Variants in CEACAM8 observed in about 807,000 individuals in gnomAD.
CEACAM8 encodes CEA cell adhesion molecule 8.
A neutral mutation model predicts 33.4 loss-of-function variants in CEACAM8; 31 were observed. The observed-to-expected ratio is 0.93, with a 90% CI of 0.70 to 1.25. The LOEUF (loss-of-function observed/expected upper bound fraction) is 1.25, where lower values mean the gene tolerates loss of function less well. Among genes scored for constraint, CEACAM8 ranks in the 50% most tolerant of loss-of-function variants. The pLI, the probability that CEACAM8 is intolerant of heterozygous loss-of-function variation, is 0.00. For synonymous variants in CEACAM8, 138 were observed against 164.5 expected, an observed-to-expected ratio of 0.84 and a Z score of 1.23; for missense variants, 388 against 434.6, an observed-to-expected ratio of 0.89 and a Z score of 0.95.
At chr19:42,582,456 G>A (rs532105844) in intron 5 of CEACAM8, among the ~76,000 whole-genome samples, 3 of 152,238 alleles carry the variant, frequency 2.0e-5, no homozygotes, top group Admixed American at 6.5e-5. Flanking sequence ...TGGTCATCAG[G>A]AAAAGGTTCT....
chr19:42,593,858 A>T lies in CEACAM8; in HGVS notation c.107T>A (p.Leu36His), dbSNP rs2042494260. 1 of 1,610,952 alleles carries T rather than the reference A, an allele frequency of 6.2e-7. No homozygotes were observed. Among genetic ancestry groups the T allele is most frequent in the Non-Finnish European group, 8.5e-7 (1 of 1,177,942 alleles). Residue 36 changes from leucine (L) to histidine (H), a missense_variant, in exon 2 of 6, where the codon CTC becomes CAC. Transcript: ENST00000244336. ...TFWNPPTTAQLTIEAVPSNAA... is the reference protein window; with the variant it reads ...TFWNPPTTAQHTIEAVPSNAA... ...ATTGGATGGCACAGCTTCAATAGTGAGCTGAGCAGTGGTGGGCGGGTTCCA... is the reference window on the plus strand; with the variant it reads ...ATTGGATGGCACAGCTTCAATAGTGTGCTGAGCAGTGGTGGGCGGGTTCCA...
At position 42,593,636 on chromosome 19, in the gene CEACAM8, C is replaced by T. The variant is rs45440298; in HGVS notation, c.329G>A (p.Arg110Gln). 725 of 1,613,698 alleles carry T rather than the reference C, an allele frequency of 4.5e-4. 1 individual carries two copies. In the African/African-American group the frequency reaches 5.6e-3, roughly 12 times the overall value. Reference sequence around the variant, plus strand: ...TCCTGTGTCATTTCTGGTGACGTTCCGCATCAGCAGGGATGCATTGGGGTA... The same window carrying T: ...TCCTGTGTCATTTCTGGTGACGTTCTGCATCAGCAGGGATGCATTGGGGTA... ...TIYPNASLLM[R>Q]NVTRNDTGSY... The change falls in exon 2 of 6, where the codon CGG becomes CAG. Residue 110 changes from arginine (R) to glutamine (Q), a missense_variant. Transcript: ENST00000244336.
At chr19:42,588,725 T>C in intron 4 of CEACAM8, 59 bp downstream of exon 4, 1 of 1,591,992 alleles carries the variant, frequency 6.3e-7, no homozygotes, top group Non-Finnish European at 8.6e-7. Flanking sequence ...GGCTCATCTC[T>C]GAAAGCCAGA....
chr19:42,588,650 T>G, intron 4 of CEACAM8, 134 bp downstream of exon 4: 1 of 968,924 alleles, frequency 1.0e-6, no homozygotes, highest in Non-Finnish European at 1.6e-6. Flanking sequence ...CTGGGAGGGT[T>G]TAGGAGAAAA....
chr19:42,588,742 C>T (rs889134860), intron 4 of CEACAM8, 42 bp downstream of exon 4: 2 of 1,608,748 alleles, frequency 1.2e-6, no homozygotes, highest in South Asian at 1.1e-5. Context: ...CAGATAGACT[C>T]TACCAGAAAA....
At position 42,594,211 on chromosome 19, in the gene CEACAM8, CCT is replaced by C. The variant is rs375708282; in HGVS notation, c.65-313_65-312del. 9.2e-3 allele frequency among the ~76,000 whole-genome samples: 1,399 copies of C among 152,310 alleles called. 12 individuals are homozygous for C. The highest frequency in any genetic ancestry group is 0.016 in the Non-Finnish European group (1,057 of 68,018). ...GAGACACTGGGTCTTCCCTTTCTGA[CCT>C]TTCCCTGCTGTGTTCCTTCCAGGGC... On this transcript the variant is annotated intron_variant, in intron 1 of 5. Transcript: ENST00000244336.
At chr19:42,592,245 G>T (rs2031854360) in intron 2 of CEACAM8, among the ~76,000 whole-genome samples, 1 of 152,094 alleles carries the variant, frequency 6.6e-6, no homozygotes, top group Non-Finnish European at 1.5e-5. Context: ...TCGTGTTTGT[G>T]TGACCCTGGT....
chr19:42,589,313 G>A, intron 3 of CEACAM8, 144 bp downstream of exon 3: 1 of 1,328,754 alleles, frequency 7.5e-7, no homozygotes. Context: ...TGTTTGCCTG[G>A]GGCAGAAAGT....
chr19:42,583,461 G>A, intron 4 of CEACAM8, 124 bp from the exon 5 acceptor site: 1 of 685,734 alleles, frequency 1.5e-6, no homozygotes, highest in Admixed American at 3.0e-5. Context: ...CATTATTTTT[G>A]TGGGAAGGTT....
chr19:42,592,295 T>C (rs1403895101), intron 2 of CEACAM8, among the ~76,000 whole-genome samples: 1 of 151,008 alleles, frequency 6.6e-6, no homozygotes, highest in Non-Finnish European at 1.5e-5. Context: ...TTCTTCTCAA[T>C]AATAAGCTTC....
At chr19:42,594,690 C>A (rs1179268204) in intron 1 of CEACAM8, 75 bp downstream of exon 1, 1 of 1,215,514 alleles carries the variant, frequency 8.2e-7, no homozygotes, top group East Asian at 2.4e-5. Flanking sequence ...TCTCAGAGCC[C>A]CGTCCTCCCC....
intron 4 of CEACAM8, among the ~76,000 whole-genome samples, chr19:42,584,213 C>G (rs2042298624): frequency 6.6e-6 from 1 of 151,934 alleles, no homozygotes; most frequent in Non-Finnish European, 1.5e-5. Context: ...TACACACACA[C>G]ACACACACAC....
chr19:42,588,632 G>T, intron 4 of CEACAM8, 152 bp downstream of exon 4: 2 of 833,648 alleles, frequency 2.4e-6, no homozygotes, highest in Non-Finnish European at 1.9e-6. Context: ...AGAGTCTATA[G>T]AGATAAACTG....
At chr19:42,593,336 G>GT (rs2042480768) in intron 2 of CEACAM8, among the ~76,000 whole-genome samples, 3 of 152,196 alleles carry the variant, frequency 2.0e-5, no homozygotes, top group Non-Finnish European at 4.4e-5. Context: ...TTCCTCTGCC[G>GT]TGAGTGTCTG....
chr19:42,589,243 G>A (rs1285951973), intron 3 of CEACAM8, among the ~76,000 whole-genome samples: 1 of 152,186 alleles, frequency 6.6e-6, no homozygotes, highest in Admixed American at 6.5e-5. Flanking sequence ...TGGACTCCAA[G>A]TCTCCCATGA....
At position 42,594,770 on chromosome 19, in the gene CEACAM8, A is replaced by G; in HGVS notation, c.59T>C (p.Leu20Pro). 6.2e-7 allele frequency: 1 copy of G among 1,609,900 alleles called. No homozygotes were observed. Among genetic ancestry groups the G allele is most frequent in the Non-Finnish European group, 8.5e-7 (1 of 1,177,378 alleles). The change falls in exon 1 of 6, where the codon CTC becomes CCC. Residue 20 changes from leucine (L) to proline (P), a missense_variant. Transcript: ENST00000244336. ...CCAGGAAGTCCTCTCCTCACCTGTG[A>G]GCAGGAGCCCCTGCCAGGGGATGCG... ...RWRIPWQGLL[L>P]TASLFTFWNP...
In CEACAM8 at chr19:42,589,542, T is replaced by C; in HGVS notation, c.618A>G (p.Thr206=). The change falls in exon 3 of 6, where the codon ACA becomes ACG. Residue 206 remains threonine (T), a synonymous_variant. Transcript: ENST00000244336. The part of the protein sequence containing the change: ...GNRTLTLLSV[T]RNDVGPYECE... ...ATTCATAGGGTCCTACGTCATTCCT[T>C]GTGACACTGAGTAGAGTGAGGGTCC... 3 of 1,614,190 alleles carry C rather than the reference T, an allele frequency of 1.9e-6. No individual in the cohort carries two copies. The highest frequency in any genetic ancestry group is 2.5e-6 in the Non-Finnish European group (3 of 1,180,030).
At chr19:42,586,334 G>A (rs1235223922) in intron 4 of CEACAM8, among the ~76,000 whole-genome samples, 1 of 152,144 alleles carries the variant, frequency 6.6e-6, no homozygotes, top group African/African-American at 2.4e-5. Flanking sequence ...CCTGATTTCA[G>A]CATTTACTAC....
chr19:42,593,794 A>G lies in CEACAM8; in HGVS notation c.171T>C (p.Asn57=), dbSNP rs765861260. The G allele has an allele frequency of 5.6e-6, 9 of 1,613,874 alleles. No individual in the cohort carries two copies. Among genetic ancestry groups the G allele is most frequent in the Non-Finnish European group, 6.8e-6 (8 of 1,179,980 alleles). ...TGTAGCCACGAGGGTCCTGGGGCAG[A>G]TTGTGGACAAGTAGAAGAACCTCCT... ...EGKEVLLLVH[N]LPQDPRGYNW... is the part of the protein sequence containing the mutation. The change falls in exon 2 of 6, where the codon AAT becomes AAC. Residue 57 remains asparagine, a synonymous_variant. Transcript: ENST00000244336.
Sources: allele counts gnomAD v4.1 joint callset (sites outside exome capture counted in the v4.1 genomes callset), GRCh38; gene constraint gnomAD v4.1.1; transcripts MANE v1.5; gene names NCBI Gene and HGNC (gene_info 2026-07-23, HGNC 2026-07-21).